The following NAV2 variants were observed in gnomAD, a reference collection of about 807,000 sequenced individuals.
The protein encoded by NAV2 is neuron navigator 2, also known as helicase, APC down-regulated 1.
NAV2 carries 54 observed loss-of-function variants against 223.2 expected under a neutral mutation model. The ratio of observed to expected loss-of-function variants is 0.24; its 90% CI spans 0.19 to 0.30. NAV2 has a LOEUF of 0.30. Among genes scored for constraint, NAV2 ranks in the 10% least tolerant of loss-of-function variants. The probability of loss-of-function intolerance (pLI) is 1.00; values close to 1 mark genes in which losing one functional copy is unlikely to be tolerated. For synonymous variants in NAV2, 1,279 were observed against 1,239.3 expected, an observed-to-expected ratio of 1.03 and a Z score of -0.67; for missense variants, 2,806 against 3,147.5, an observed-to-expected ratio of 0.89 and a Z score of 2.60.
intron 1 of NAV2, among the ~76,000 whole-genome samples, chr11:19,463,794 G>C (rs1852248612): frequency 6.6e-6 from 1 of 152,122 alleles, no homozygotes. Flanking sequence ...GAGCACTTGG[G>C]GGAACTGGAA....
At chr11:19,387,179 G>A (rs2702682) in intron 1 of NAV2, among the ~76,000 whole-genome samples, 133,286 of 152,210 alleles carry the variant, frequency 0.88, 58,755 homozygotes, top group Non-Finnish European at 0.93. Context: ...CACGTTAATC[G>A]TTTAAAATTT....
At chr11:19,741,687 G>GTA (rs1156844957) in intron 1 of NAV2, among the ~76,000 whole-genome samples, 107 of 21,032 alleles carry the variant, frequency 5.1e-3, no homozygotes, top group African/African-American at 9.1e-3. Flanking sequence ...GTGTGTGTGT[G>GTA]TATATATATA....
intron 1 of NAV2, among the ~76,000 whole-genome samples, chr11:19,683,136 T>C (rs2048923812): frequency 6.6e-6 from 1 of 152,192 alleles, no homozygotes; most frequent in Non-Finnish European, 1.5e-5. Context: ...TTAAATTTCC[T>C]TGTAGTGCTA....
intron 17 of NAV2, among the ~76,000 whole-genome samples, chr11:20,052,695 G>T (rs538818421): frequency 6.6e-6 from 1 of 152,314 alleles, no homozygotes; most frequent in African/African-American, 2.4e-5. Flanking sequence ...GTCCTGGAAA[G>T]TTGCATGTCT....
chr11:19,669,661 T>C (rs908694316), intron 1 of NAV2, among the ~76,000 whole-genome samples: 12 of 152,208 alleles, frequency 7.9e-5, no homozygotes, highest in African/African-American at 2.9e-4. Flanking sequence ...AGCTCAGCAC[T>C]AGTGAGCCTT....
At chr11:19,782,891 G>C (rs2056846843) in intron 1 of NAV2, among the ~76,000 whole-genome samples, 1 of 152,158 alleles carries the variant, frequency 6.6e-6, no homozygotes, top group Admixed American at 6.5e-5. Context: ...TATTTGGCTG[G>C]GCTGAGATGT....
At chr11:20,089,460 A>C (rs914199214) in intron 26 of NAV2, among the ~76,000 whole-genome samples, 1 of 152,198 alleles carries the variant, frequency 6.6e-6, no homozygotes, top group African/African-American at 2.4e-5. Context: ...ACCCTCACCC[A>C]GTTTTACAGG....
At position 20,044,057 on chromosome 11, in the gene NAV2, G is replaced by C; in HGVS notation, c.2984G>C (p.Gly995Ala). 6.2e-7 allele frequency: 1 copy of C among 1,614,188 alleles called. No homozygotes were observed. Among genetic ancestry groups the C allele is most frequent in the Non-Finnish European group, 8.5e-7 (1 of 1,180,032 alleles). The change falls in exon 13 of 38, where the codon GGC (glycine) becomes GCC (alanine). Residue 995 changes from glycine (G) to alanine (A), a missense_variant. Around this residue, in one of 4 missense-constraint regions of NAV2, gnomAD observed 742 missense variants for 777.9 expected, o/e 0.95. Coordinates refer to ENST00000349880, the MANE Select transcript of NAV2 (RefSeq NM_145117.5). ...GATGATGTCAAGAAATCAGACGGAG[G>C]CTCAGACAGCGGCATAAAAATGGAG... ...SGDDVKKSDG[G>A]SDSGIKMEPG...
chr11:19,676,027 C>T (rs2048702502), intron 1 of NAV2, among the ~76,000 whole-genome samples: 1 of 152,206 alleles, frequency 6.6e-6, no homozygotes, highest in Non-Finnish European at 1.5e-5. Context: ...GACCTTCACA[C>T]TAAGGCCCTT....
chr11:19,833,960 T>C (rs1409018665), intron 2 of NAV2, among the ~76,000 whole-genome samples: 1 of 152,234 alleles, frequency 6.6e-6, no homozygotes, highest in African/African-American at 2.4e-5. Context: ...AGAAAGCTTC[T>C]GGAACAAGTC....
chr11:19,869,175 G>C (rs1045894924), intron 4 of NAV2, among the ~76,000 whole-genome samples, 178 bp downstream of exon 4: 2 of 152,208 alleles, frequency 1.3e-5, no homozygotes, highest in Non-Finnish European at 2.9e-5. Context: ...CTCACTCCAA[G>C]AATGTGGATT....
At chr11:19,354,302 A>T (rs1341286475) in intron 1 of NAV2, among the ~76,000 whole-genome samples, 1 of 152,264 alleles carries the variant, frequency 6.6e-6, no homozygotes, top group African/African-American at 2.4e-5. Flanking sequence ...CGTGCACTGT[A>T]CAAATCAGTA....
At chr11:19,685,351 C>T (rs555373224) in intron 1 of NAV2, among the ~76,000 whole-genome samples, 1 of 152,266 alleles carries the variant, frequency 6.6e-6, no homozygotes, top group East Asian at 1.9e-4. Flanking sequence ...GACTTCCAGA[C>T]CCCAGCAGTA....
At chr11:19,564,122 G>A (rs2045187463) in intron 1 of NAV2, among the ~76,000 whole-genome samples, 1 of 152,186 alleles carries the variant, frequency 6.6e-6, no homozygotes, top group African/African-American at 2.4e-5. Flanking sequence ...CAGGGAAGAT[G>A]AGCGGCTGTG....
chr11:19,520,321 T>C (rs936779583), intron 1 of NAV2, among the ~76,000 whole-genome samples: 4 of 152,222 alleles, frequency 2.6e-5, no homozygotes, highest in Admixed American at 2.0e-4. Flanking sequence ...AATTTTAAAA[T>C]GCTGCTGAAA....
At chr11:19,795,943 C>T (rs914379111) in intron 1 of NAV2, among the ~76,000 whole-genome samples, 1 of 150,936 alleles carries the variant, frequency 6.6e-6, no homozygotes, top group Non-Finnish European at 1.5e-5. Flanking sequence ...TGAGAAACCC[C>T]TTTAGGTTTA....
chr11:19,465,089 G>A (rs949929367), intron 1 of NAV2, among the ~76,000 whole-genome samples: 6 of 152,202 alleles, frequency 3.9e-5, no homozygotes, highest in African/African-American at 1.4e-4. Flanking sequence ...CTGAGATAGT[G>A]TTGATTATTG....
At chr11:19,833,342 G>A (rs892392983) in intron 2 of NAV2, among the ~76,000 whole-genome samples, 1 of 152,214 alleles carries the variant, frequency 6.6e-6, no homozygotes, top group Non-Finnish European at 1.5e-5. Context: ...AGCCTCTCTG[G>A]CATGTTGTTG....
At chr11:19,494,063 C>G (rs920523674) in intron 1 of NAV2, among the ~76,000 whole-genome samples, 1 of 152,166 alleles carries the variant, frequency 6.6e-6, no homozygotes, top group Non-Finnish European at 1.5e-5. Flanking sequence ...GAGCAGTGGC[C>G]CCTGGGACAC....
Sources: gnomAD v4.1 joint callset for allele counts (sites outside exome capture counted in the v4.1 genomes callset) on GRCh38, gnomAD v4.1.1 for gene constraint, gnomAD v4.1.1 regional missense constraint, MANE v1.5 for transcripts, NCBI Gene and HGNC (gene_info 2026-07-23, HGNC 2026-07-21) for gene names.